The following RASL10B variants were observed in gnomAD, a reference collection of about 807,000 sequenced individuals.
The protein encoded by RASL10B is RAS like family 10 member B.
Under a neutral mutation model 20.7 loss-of-function variants are expected in RASL10B, and 10 were observed. The observed-to-expected ratio is 0.48, with a 90% CI of 0.30 to 0.82. RASL10B has a LOEUF of 0.82. Among genes scored for constraint, RASL10B ranks in the 40% least tolerant of loss-of-function variants. The probability of loss-of-function intolerance (pLI) is 0.07; values close to 1 mark genes in which losing one functional copy is unlikely to be tolerated. For missense variants in RASL10B, 231 were observed against 295.4 expected, an observed-to-expected ratio of 0.78 and a Z score of 1.60; for synonymous variants, 110 against 123.3, an observed-to-expected ratio of 0.89 and a Z score of 0.72.
chr17:35,735,218 G>A lies in RASL10B; in HGVS notation c.34G>A (p.Ala12Thr). The A allele has an allele frequency of 6.2e-7, 1 of 1,612,192 alleles. No homozygotes were observed. Among genetic ancestry groups the A allele is most frequent in the Non-Finnish European group, 8.5e-7 (1 of 1,179,900 alleles). ...VSTYRVAVLGARGVGKSAIVR... is the reference protein window; with the variant it reads ...VSTYRVAVLGTRGVGKSAIVR... ...CACCTACCGGGTGGCCGTGCTGGGG[G>A]CGCGAGGTGTGGGCAAGAGTGCCAT... Residue 12 changes from alanine to threonine, a missense_variant, in exon 2 of 4, where the codon GCG becomes ACG. Coordinates refer to ENST00000603017, the MANE Select transcript of RASL10B (RefSeq NM_033315.4). This position sits in a 1 kb window ranked among gnomAD's most constrained non-coding sequence, Gnocchi z 6.7.
intron 2 of RASL10B, among the ~76,000 whole-genome samples, chr17:35,738,352 C>A (rs978658732): frequency 6.6e-6 from 1 of 152,040 alleles, no homozygotes; most frequent in Admixed American, 6.5e-5. Flanking sequence ...CTCAAGGCAC[C>A]AAAGATTAAG....
rs1469928660 is a variant in RASL10B at position 35,741,728 on chromosome 17, T to G, written c.*423T>G. 4 of 173,494 alleles carry G rather than the reference T, an allele frequency of 2.3e-5. No individual in the cohort carries two copies. The highest frequency in any genetic ancestry group is 1.6e-4 in the East Asian group (1 of 6,316). The allele number at this position is 173,494 out of a possible 1,614,324, so 10.7% of individuals were successfully genotyped here. A position where few individuals can be genotyped will look rare whatever the true frequency, so the allele number is the denominator to read the frequency against. ...GCCCACCCCAGCGTCTGTTGGTACT[T>G]ACCTGTCTCACCTACCCTCCAGTCC... On this transcript the variant is annotated 3_prime_UTR_variant, in exon 4 of 4. Transcript: ENST00000603017.
intron 1 of RASL10B, among the ~76,000 whole-genome samples, chr17:35,733,172 A>C (rs587725907): frequency 6.6e-6 from 1 of 152,340 alleles, no homozygotes; most frequent in Admixed American, 6.5e-5. Context: ...CGCACACTGC[A>C]TGCATGTGAG....
chr17:35,740,587 C>G, intron 3 of RASL10B, 54 bp downstream of exon 3: 2 of 1,590,830 alleles, frequency 1.3e-6, no homozygotes, highest in Non-Finnish European at 1.7e-6. Context: ...CCAGTGCTAG[C>G]CAGTCCCTGT....
At chr17:35,740,961 G>GCA in intron 3 of RASL10B, 74 bp from the exon 4 acceptor site, 2 of 1,334,994 alleles carry the variant, frequency 1.5e-6, no homozygotes, top group South Asian at 2.7e-5. Flanking sequence ...TATTGGCCAG[G>GCA]CACAGCCTGC....
At chr17:35,740,580 G>A in intron 3 of RASL10B, 47 bp downstream of exon 3, 1 of 1,596,514 alleles carries the variant, frequency 6.3e-7, no homozygotes, top group Non-Finnish European at 8.6e-7. Context: ...GGATGCCCCA[G>A]TGCTAGCCAG....
At chr17:35,739,898 A>G (rs1568092838) in intron 2 of RASL10B, among the ~76,000 whole-genome samples, 1 of 152,194 alleles carries the variant, frequency 6.6e-6, no homozygotes, top group East Asian at 1.9e-4. Context: ...CTGGAGATGG[A>G]ACAGCTCTAA....
intron 2 of RASL10B, among the ~76,000 whole-genome samples, chr17:35,738,764 G>T (rs2085610796): frequency 6.6e-6 from 1 of 152,160 alleles, no homozygotes; most frequent in Admixed American, 6.5e-5. Context: ...AGGAGTGGGT[G>T]GGAGGAAGCC....
At chr17:35,740,926 G>A in intron 3 of RASL10B, 109 bp from the exon 4 acceptor site, 1 of 908,296 alleles carries the variant, frequency 1.1e-6, no homozygotes, top group Non-Finnish European at 1.7e-6. Flanking sequence ...GGCTGCGCCT[G>A]GAGCAGAACC....
chr17:35,732,745 C>G (rs1260887371), intron 1 of RASL10B, among the ~76,000 whole-genome samples: 1 of 152,144 alleles, frequency 6.6e-6, no homozygotes, highest in African/African-American at 2.4e-5. Flanking sequence ...TCCTAGAAAT[C>G]TCTGAGCTGC....
intron 2 of RASL10B, among the ~76,000 whole-genome samples, chr17:35,738,895 C>T (rs1355734395): frequency 1.3e-5 from 2 of 152,160 alleles, no homozygotes; most frequent in African/African-American, 4.8e-5. Context: ...TCTCATCCCT[C>T]CCACTTCTCA....
chr17:35,737,606 C>A (rs587666004), intron 2 of RASL10B, among the ~76,000 whole-genome samples: 16 of 152,154 alleles, frequency 1.1e-4, no homozygotes, highest in African/African-American at 3.4e-4. Flanking sequence ...CTGGAAATGG[C>A]ATTGTGAATA....
intron 2 of RASL10B, chr17:35,736,765 T>A (rs940726229): frequency 1.3e-5 from 2 of 152,162 alleles, no homozygotes; most frequent in African/African-American, 4.8e-5. Context: ...TTATTTATTT[T>A]TTTATTTTAG....
In RASL10B at chr17:35,742,930, A is replaced by T. The variant is rs1354862070; in HGVS notation, c.*1625A>T. On this transcript the variant is annotated 3_prime_UTR_variant, in exon 4 of 4. Transcript: ENST00000603017. ...ACATCCATTGTAGGGGGAATCTATG[A>T]TTCTGCTTCCCCAGCGGATTCCCAC... 6.6e-6 allele frequency: 1 copy of T among 152,338 alleles called. No individual in the cohort carries two copies. Among genetic ancestry groups the T allele is most frequent in the African/African-American group, 2.4e-5 (1 of 41,436 alleles). 9.4% of individuals were successfully genotyped at this position (152,338 alleles called of 1,614,324 possible).
chr17:35,740,417 A>G lies in RASL10B; in HGVS notation c.225A>G (p.Ala75=). 1 of 1,613,736 alleles carries G rather than the reference A, an allele frequency of 6.2e-7. No individual in the cohort carries two copies. Among genetic ancestry groups the G allele is most frequent in the Non-Finnish European group, 8.5e-7 (1 of 1,179,792 alleles). ...AFPVNTLQEW[A]DTCCRGLRSV... ...GGCTGGGGATATTGCAGGAGTGGGC[A>G]GACACCTGCTGCAGGGGACTCCGGA... Residue 75 remains alanine, a synonymous_variant, in exon 3 of 4, where the codon GCA becomes GCG. Transcript: ENST00000603017.
chr17:35,741,062 C>A lies in RASL10B; in HGVS notation c.369C>A (p.Ile123=), dbSNP rs587769520. 6.2e-7 allele frequency: 1 copy of A among 1,607,994 alleles called. No homozygotes were observed. ...TRVIGTSETP[I]IIVGNKRDLQ... is the part of the protein sequence containing the mutation. ...TGATCGGAACCTCAGAGACGCCCAT[C>A]ATCATCGTGGGCAACAAGCGGGACC... is the stretch of plus-strand genomic sequence containing the variant. Residue 123 remains isoleucine, a synonymous_variant, in exon 4 of 4, where the codon ATC becomes ATA. Transcript: ENST00000603017.
rs1001416129 is a variant in RASL10B at position 35,731,681 on chromosome 17, G to C, written c.-345G>C. On this transcript the variant is annotated 5_prime_UTR_variant, in exon 1 of 4. Transcript: ENST00000603017. ...CGGCGCGCTCCGGAGGGAGAGCTGG[G>C]GCTGGAGGTTCCTACCCCCTCGGCG... 2.6e-5 allele frequency: 4 copies of C among 152,196 alleles called. No homozygotes were observed. Among genetic ancestry groups the C allele is most frequent in the African/African-American group, 9.7e-5 (4 of 41,432 alleles). The allele number at this position is 152,196 out of a possible 1,614,324, so 9.4% of individuals were successfully genotyped here.
chr17:35,736,435 A>G (rs1483107636), intron 2 of RASL10B, among the ~76,000 whole-genome samples: 2 of 152,222 alleles, frequency 1.3e-5, no homozygotes, highest in African/African-American at 2.4e-5. Context: ...CGGCAACACC[A>G]GGCAGGAGGG....
chr17:35,732,706 T>C (rs782515246), intron 1 of RASL10B, among the ~76,000 whole-genome samples: 9 of 152,024 alleles, frequency 5.9e-5, no homozygotes, highest in Non-Finnish European at 1.0e-4. Flanking sequence ...GGGAGTGTGG[T>C]GTCCGCGACA....
Sources: allele counts gnomAD v4.1 joint callset (sites outside exome capture counted in the v4.1 genomes callset), GRCh38; gene constraint gnomAD v4.1.1; non-coding constraint Gnocchi (gnomAD v3.1); transcripts MANE v1.5; gene names NCBI Gene and HGNC (gene_info 2026-07-23, HGNC 2026-07-21).